Variants in UGT1A8 observed in about 807,000 individuals in gnomAD.
The protein encoded by UGT1A8 is UDP glucuronosyltransferase family 1 member A8, also known as UDP-glucuronosyltransferase 1A8.
A neutral mutation model predicts 45.3 loss-of-function variants in UGT1A8; 39 were observed. The ratio of observed to expected loss-of-function variants is 0.86; its 90% CI spans 0.67 to 1.12. UGT1A8 has a LOEUF of 1.12. UGT1A8 is among the 50% of genes most tolerant of loss of function. UGT1A8 has a pLI of 0.00. For missense variants in UGT1A8, 719 were observed against 664.9 expected (o/e 1.08, Z -0.90); for synonymous variants, 275 against 249.2 (o/e 1.10, Z -0.97).
chr2:233,617,863 G>C lies in UGT1A8; in HGVS notation c.156G>C (p.Gly52=), dbSNP rs938155548. The change falls in exon 1 of 5, where the codon GGG becomes GGC. Residue 52 remains glycine, a synonymous_variant. Transcript: ENST00000373450. ...TGGTGGAGAAACTTATCCTCAGGGG[G>C]CATGAGGTGGTTGTAGTCATGCCAG... The part of the protein sequence containing the change: ...QSVVEKLILR[G]HEVVVVMPEV... 1.9e-6 allele frequency: 3 copies of C among 1,614,000 alleles called. No homozygotes were observed. The highest frequency in any genetic ancestry group is 2.7e-5 in the African/African-American group (2 of 74,908).
At chr2:233,695,435 CTT>C (rs747907611) in intron 1 of UGT1A8, among the ~76,000 whole-genome samples, 1 of 130,420 alleles carries the variant, frequency 7.7e-6, no homozygotes, top group Non-Finnish European at 1.7e-5. Flanking sequence ...TCTTCTTCTT[CTT>C]TTTTTTTTGA....
At chr2:233,646,891 T>G (rs903034595) in intron 1 of UGT1A8, among the ~76,000 whole-genome samples, 3 of 152,218 alleles carry the variant, frequency 2.0e-5, no homozygotes, top group African/African-American at 7.2e-5. Context: ...TCCACTCTAC[T>G]GGTACCAATT....
At chr2:233,763,651 C>T (rs1168041564) in intron 1 of UGT1A8, among the ~76,000 whole-genome samples, 2 of 152,174 alleles carry the variant, frequency 1.3e-5, no homozygotes, top group Non-Finnish European at 2.9e-5. Context: ...TCTCAATACT[C>T]TTGATAAAAC....
chr2:233,624,065 C>G (rs990356691), intron 1 of UGT1A8, among the ~76,000 whole-genome samples: 1 of 152,114 alleles, frequency 6.6e-6, no homozygotes, highest in African/African-American at 2.4e-5. Flanking sequence ...ACCCTGTACC[C>G]GGTTTCCCCC....
intron 1 of UGT1A8, among the ~76,000 whole-genome samples, chr2:233,643,039 G>T (rs188929391): frequency 6.6e-6 from 1 of 152,176 alleles, no homozygotes; most frequent in Non-Finnish European, 1.5e-5. Flanking sequence ...AAGGCCTGCT[G>T]TAACCACCTC....
chr2:233,641,159 GCTGA>G (rs765238754), intron 1 of UGT1A8, among the ~76,000 whole-genome samples: 11 of 152,064 alleles, frequency 7.2e-5, no homozygotes, highest in Non-Finnish European at 1.6e-4. Flanking sequence ...CTCTTCTCTT[GCTGA>G]CTATCTTGCA....
intron 1 of UGT1A8, chr2:233,722,033 A>G (rs915638296): frequency 4.1e-6 from 1 of 246,466 alleles, no homozygotes; most frequent in Non-Finnish European, 8.1e-6. Context: ...CTTGAATTGC[A>G]TGATTTTGTG....
At chr2:233,721,551 A>AGT (rs1303257041) in intron 1 of UGT1A8, 1 of 163,364 alleles carries the variant, frequency 6.1e-6, no homozygotes, top group African/African-American at 2.4e-5. Context: ...TTTTTTCTTC[A>AGT]GTTTCTTCTG....
chr2:233,754,906 T>C, intron 1 of UGT1A8: 3 of 1,351,506 alleles, frequency 2.2e-6, no homozygotes, highest in South Asian at 1.1e-5. Flanking sequence ...CCCCCCAAAA[T>C]ATTCTCCAGC....
intron 1 of UGT1A8, chr2:233,755,375 G>A (rs1695890157): frequency 5.6e-6 from 2 of 355,636 alleles, no homozygotes; most frequent in South Asian, 4.5e-5. Context: ...CTGGAGGGCC[G>A]CCCCTTATGA....
intron 1 of UGT1A8, among the ~76,000 whole-genome samples, chr2:233,624,330 G>T (rs1286795614): frequency 6.6e-6 from 1 of 152,092 alleles, no homozygotes; most frequent in Admixed American, 6.6e-5. Flanking sequence ...CTGGTCAGGT[G>T]TCCTGTAGAA....
chr2:233,699,790 CT>C (rs1163092717), intron 1 of UGT1A8, among the ~76,000 whole-genome samples: 4 of 152,194 alleles, frequency 2.6e-5, no homozygotes, highest in African/African-American at 9.7e-5. Flanking sequence ...GTTTCCTCCT[CT>C]CATATTCTGG....
chr2:233,675,966 CACA>C (rs537293192), intron 1 of UGT1A8, among the ~76,000 whole-genome samples: 1 of 152,172 alleles, frequency 6.6e-6, no homozygotes, highest in Non-Finnish European at 1.5e-5. Context: ...GATTGTCTCA[CACA>C]ACATCTTTCC....
intron 1 of UGT1A8, chr2:233,682,241 T>C (rs765671686): frequency 9.3e-6 from 15 of 1,614,092 alleles, no homozygotes; most frequent in Admixed American, 5.0e-5. Flanking sequence ...GACGGCACCA[T>C]TGCGAAGTGC....
chr2:233,717,714 T>G, intron 1 of UGT1A8: 2 of 453,348 alleles, frequency 4.4e-6, no homozygotes, highest in South Asian at 1.6e-5. Flanking sequence ...ACGAGCCTCA[T>G]GGGCATGAGA....
chr2:233,757,560 A>ATATATATATATATATATATATATATGTG (rs904896556), intron 1 of UGT1A8, among the ~76,000 whole-genome samples: 2 of 123,156 alleles, frequency 1.6e-5, no homozygotes, highest in African/African-American at 6.8e-5. Context: ...ATATATATAT[A>ATATATATATATATATATATATATATGTG]TGTATATATG....
chr2:233,669,255 A>AT (rs35555682), intron 1 of UGT1A8, among the ~76,000 whole-genome samples: 87,852 of 150,870 alleles, frequency 0.58, 25,653 homozygotes, highest in South Asian at 0.64. Context: ...ATTGCTCTCC[A>AT]TTTTTTTTTC....
At chr2:233,700,989 G>A (rs1010357196) in intron 1 of UGT1A8, among the ~76,000 whole-genome samples, 4 of 152,026 alleles carry the variant, frequency 2.6e-5, no homozygotes, top group African/African-American at 7.2e-5. Flanking sequence ...TTGTCCTTGC[G>A]ATAGTTTGCT....
At chr2:233,690,727 C>T (rs1230785523) in intron 1 of UGT1A8, 1 of 1,211,686 alleles carries the variant, frequency 8.3e-7, no homozygotes, top group South Asian at 1.5e-5. Context: ...AACAGACATG[C>T]CAGATTCCTC....
Sources: allele counts gnomAD v4.1 joint callset (sites outside exome capture counted in the v4.1 genomes callset), GRCh38; gene constraint gnomAD v4.1.1; transcripts MANE v1.5; gene names NCBI Gene and HGNC (gene_info 2026-07-23, HGNC 2026-07-21).